Variants in SFMBT2 observed in about 807,000 individuals in gnomAD.
The protein encoded by SFMBT2 is scm-like with four MBT domains protein 2.
A neutral mutation model predicts 110.1 loss-of-function variants in SFMBT2; 38 were observed. The observed-to-expected ratio is 0.35, with a 90% CI of 0.27 to 0.45. The LOEUF is 0.45. SFMBT2 is among the 20% of genes least tolerant of loss of function. SFMBT2 has a pLI of 1.00. For synonymous variants in SFMBT2, 425 were observed against 425.4 expected, an observed-to-expected ratio of 1.00 and a Z score of 0.01; for missense variants, 1,011 against 1,094.9, an observed-to-expected ratio of 0.92 and a Z score of 1.08.
At chr10:7,327,080 T>C (rs1454150474) in intron 4 of SFMBT2, among the ~76,000 whole-genome samples, 1 of 150,652 alleles carries the variant, frequency 6.6e-6, no homozygotes, top group Non-Finnish European at 1.5e-5. Context: ...AGTGCTTCCC[T>C]TCATGTCACT....
chr10:7,395,313 G>A (rs867655770), intron 1 of SFMBT2, among the ~76,000 whole-genome samples: 2 of 152,192 alleles, frequency 1.3e-5, no homozygotes, highest in South Asian at 2.1e-4. Context: ...TTGGAAAAAC[G>A]TCCTCCCTCA....
chr10:7,170,020 C>A lies in SFMBT2; in HGVS notation c.2544+908G>T, dbSNP rs148871172. On this transcript the variant is annotated intron_variant, in intron 20 of 20. Coordinates refer to ENST00000397167, the MANE Select transcript of SFMBT2 (RefSeq NM_001387889.1). The surrounding 1 kb of genome is among the most constrained non-coding windows in gnomAD (Gnocchi z 4.6). The stretch of plus-strand genomic sequence containing the variant: ...GCATTCAGTACGACACACCAGCCAG[C>A]GGGCTTCTGCTCTGGGCAGGCCAGG... Among the ~76,000 whole-genome samples, 2 of 152,294 alleles carry A rather than the reference C, an allele frequency of 1.3e-5. No homozygotes were observed. The highest frequency in any genetic ancestry group is 3.9e-4 in the East Asian group (2 of 5,186).
intron 3 of SFMBT2, among the ~76,000 whole-genome samples, chr10:7,369,823 T>C (rs1393626907): frequency 6.6e-6 from 1 of 152,134 alleles, no homozygotes; most frequent in African/African-American, 2.4e-5. Flanking sequence ...AACTTCCAGG[T>C]CTCCTCCTTC....
intron 12 of SFMBT2, chr10:7,203,791 C>G (rs1221524612): frequency 6.4e-6 from 2 of 313,530 alleles, no homozygotes; most frequent in Non-Finnish European, 9.3e-6. Flanking sequence ...TCTCAGTTCA[C>G]TGCAACCTCT....
At chr10:7,349,052 C>T (rs1244641384) in intron 4 of SFMBT2, among the ~76,000 whole-genome samples, 3 of 152,178 alleles carry the variant, frequency 2.0e-5, no homozygotes, top group Admixed American at 1.3e-4. Context: ...TCTCTGACTC[C>T]GCTTTCCTTC....
chr10:7,339,531 C>T (rs925981137), intron 4 of SFMBT2, among the ~76,000 whole-genome samples: 35 of 152,184 alleles, frequency 2.3e-4, no homozygotes, highest in African/African-American at 8.2e-4. Flanking sequence ...TTGATAGGTG[C>T]ACTGCATAGG....
rs184931652 is a variant in SFMBT2, at chr10:7,221,683, T to C, written c.1204-1146A>G. Among the ~76,000 whole-genome samples, 277 of 152,348 alleles carry C rather than the reference T, an allele frequency of 1.8e-3. 1 individual carries two copies. The highest frequency in any genetic ancestry group is 0.014 in the Middle Eastern group (4 of 294). On this transcript the variant is annotated intron_variant, in intron 10 of 20. Transcript: ENST00000397167. The stretch of plus-strand genomic sequence containing the variant: ...TTCCCTTGTTCTTTTTGTTTATTGC[T>C]ATTATTTTCCTTTGTTCTTTTTGTT...
At chr10:7,235,970 T>C (rs936728594) in intron 9 of SFMBT2, among the ~76,000 whole-genome samples, 21 of 152,206 alleles carry the variant, frequency 1.4e-4, no homozygotes, top group Admixed American at 5.9e-4. Flanking sequence ...CAGCTCCAGA[T>C]AGGTTTATAA....
At chr10:7,393,020 T>A (rs1437703586) in intron 1 of SFMBT2, among the ~76,000 whole-genome samples, 1 of 75,048 alleles carries the variant, frequency 1.3e-5, no homozygotes, top group African/African-American at 1.1e-4. Context: ...TATATATATA[T>A]ATATATATAT....
intron 2 of SFMBT2, among the ~76,000 whole-genome samples, chr10:7,374,100 A>G (rs1027261959): frequency 3.3e-5 from 5 of 152,218 alleles, no homozygotes; most frequent in Admixed American, 1.3e-4. Context: ...CATCTCTACT[A>G]AAAATACACC....
chr10:7,402,675 C>T (rs1846110885), intron 1 of SFMBT2, among the ~76,000 whole-genome samples: 1 of 152,130 alleles, frequency 6.6e-6, no homozygotes, highest in South Asian at 2.1e-4. Context: ...CTTCATAGTC[C>T]CAGACCAACA....
chr10:7,243,376 G>A (rs1302553503), intron 9 of SFMBT2, among the ~76,000 whole-genome samples, 182 bp downstream of exon 9: 2 of 152,186 alleles, frequency 1.3e-5, no homozygotes, highest in Non-Finnish European at 2.9e-5. Context: ...AAGGCCACTC[G>A]CCTCGCCAGG....
At position 7,293,345 on chromosome 10, in the gene SFMBT2, T is replaced by C. The variant is rs1056884415; in HGVS notation, c.437-7391A>G. 2.6e-5 allele frequency among the ~76,000 whole-genome samples: 4 copies of C among 152,158 alleles called. No homozygotes were observed. The highest frequency in any genetic ancestry group is 5.9e-5 in the Non-Finnish European group (4 of 68,018). ...AACTCCTGACTTCAGGTGATCTGCC[T>C]GCCTCGGCCTCCCAAAGTGCTGGGA... is the stretch of plus-strand genomic sequence containing the variant. On this transcript the variant is annotated intron_variant, in intron 4 of 20. Transcript: ENST00000397167. The surrounding 1 kb of genome is among the most constrained non-coding windows in gnomAD (Gnocchi z 4.6).
chr10:7,383,592 G>A (rs967258519), intron 1 of SFMBT2, among the ~76,000 whole-genome samples: 2 of 152,196 alleles, frequency 1.3e-5, no homozygotes, highest in African/African-American at 4.8e-5. Context: ...ACCTGTTTCG[G>A]AGAATGAACT....
chr10:7,392,409 G>A (rs1845793674), intron 1 of SFMBT2, among the ~76,000 whole-genome samples: 1 of 152,252 alleles, frequency 6.6e-6, no homozygotes, highest in Admixed American at 6.5e-5. Flanking sequence ...CAGCTACTCA[G>A]GAGGCTGAGG....
intron 4 of SFMBT2, among the ~76,000 whole-genome samples, chr10:7,300,203 G>A (rs1842518771): frequency 6.6e-6 from 1 of 152,040 alleles, no homozygotes. Context: ...GGAAACTTAA[G>A]AGGACAGGTC....
intron 4 of SFMBT2, among the ~76,000 whole-genome samples, chr10:7,334,329 TCAGA>T (rs1843652933): frequency 6.6e-6 from 1 of 152,064 alleles, no homozygotes; most frequent in Non-Finnish European, 1.5e-5. Context: ...AGCCTGATGC[TCAGA>T]CACACAGTTC....
intron 4 of SFMBT2, among the ~76,000 whole-genome samples, chr10:7,335,048 G>T (rs1843675518): frequency 6.6e-6 from 1 of 152,150 alleles, no homozygotes; most frequent in Admixed American, 6.5e-5. Flanking sequence ...GAATCTATTT[G>T]GGGATTTAGG....
chr10:7,281,187 A>C (rs923621824), intron 6 of SFMBT2, among the ~76,000 whole-genome samples: 2 of 152,200 alleles, frequency 1.3e-5, no homozygotes, highest in Admixed American at 6.5e-5. Flanking sequence ...TTGAGGCTGC[A>C]ATGAGCCGAG....
Sources: allele counts gnomAD v4.1 joint callset (sites outside exome capture counted in the v4.1 genomes callset), GRCh38; gene constraint gnomAD v4.1.1; non-coding constraint Gnocchi (gnomAD v3.1); transcripts MANE v1.5; gene names NCBI Gene and HGNC (gene_info 2026-07-23, HGNC 2026-07-21).